Variants in RBM47 observed in about 807,000 individuals in gnomAD.
RBM47 encodes the protein RNA binding motif protein 47.
A neutral mutation model predicts 47.1 loss-of-function variants in RBM47; 21 were observed. That is an observed-to-expected ratio of 0.45 (90% CI 0.32 to 0.64). The LOEUF (loss-of-function observed/expected upper bound fraction) is 0.64, where lower values mean the gene tolerates loss of function less well. Among genes scored for constraint, RBM47 ranks in the 30% least tolerant of loss-of-function variants. RBM47 has a pLI of 0.05. For synonymous variants in RBM47, 375 were observed against 361.7 expected, an observed-to-expected ratio of 1.04 and a Z score of -0.42; for missense variants, 708 against 870.9, an observed-to-expected ratio of 0.81 and a Z score of 2.35.
At chr4:40,521,993 G>A (rs1228964870) in intron 2 of RBM47, among the ~76,000 whole-genome samples, 1 of 152,162 alleles carries the variant, frequency 6.6e-6, no homozygotes. Flanking sequence ...ATTAACAAAT[G>A]TGGATTTTTA....
chr4:40,433,178 C>A (rs1189248020), intron 5 of RBM47, among the ~76,000 whole-genome samples: 4 of 152,128 alleles, frequency 2.6e-5, no homozygotes, highest in African/African-American at 9.7e-5. Flanking sequence ...CCAGGCTGGT[C>A]TTGAACTCCT....
rs1034666711 is a variant in RBM47, at chr4:40,438,108, G to C, written c.786C>G (p.Ile262Met). The C allele has an allele frequency of 6.2e-7, 1 of 1,613,736 alleles. No homozygotes were observed. Among genetic ancestry groups the C allele is most frequent in the Non-Finnish European group, 8.5e-7 (1 of 1,180,026 alleles). Residue 262 changes from isoleucine to methionine, a missense_variant, in exon 4 of 7, where the codon ATC (isoleucine) becomes ATG (methionine). Coordinates refer to ENST00000295971, the MANE Select transcript of RBM47 (RefSeq NM_001098634.2). ...NLMIETTEDT[I>M]KKSFGQFNPG... is the part of the protein sequence containing the mutation. ...GGTTGAACTGGCCGAAGCTCTTCTTGATGGTGTCCTCGGTGGTCTCGATCA... is the reference window on the plus strand; with the variant it reads ...GGTTGAACTGGCCGAAGCTCTTCTTCATGGTGTCCTCGGTGGTCTCGATCA...
Position 40,438,093 on chromosome 4 carries a change from G to T in RBM47, c.801C>A (p.Gly267=), listed in dbSNP as rs143561092. 118 of 1,613,834 alleles carry T rather than the reference G, an allele frequency of 7.3e-5. No individual in the cohort carries two copies. In the African/African-American group the frequency reaches 1.5e-3, roughly 21 times the overall value. Residue 267 remains glycine (G), a synonymous_variant, in exon 4 of 7, where the codon GGC becomes GGA. Transcript: ENST00000295971. ...GCTCCACGCAGCCGGGGTTGAACTG[G>T]CCGAAGCTCTTCTTGATGGTGTCCT... ...TTEDTIKKSF[G]QFNPGCVERV... is the part of the protein sequence containing the mutation.
At position 40,565,782 on chromosome 4, in the gene RBM47, A is replaced by C. The variant is rs147139284; in HGVS notation, c.-239-21276T>G. On this transcript the variant is annotated intron_variant, in intron 1 of 6. Coordinates refer to ENST00000295971, the MANE Select transcript of RBM47 (RefSeq NM_001098634.2). ...AAAAAGAGAGGATAAATGATAAAGA[A>C]ACAAAATGGACTGGACCCAGCAGCT... Among the ~76,000 whole-genome samples the C allele has an allele frequency of 3.2e-3, 487 of 152,286 alleles. 5 individuals are homozygous for C. Among genetic ancestry groups the C allele is most frequent in the African/African-American group, 0.011 (465 of 41,572 alleles).
intron 2 of RBM47, among the ~76,000 whole-genome samples, chr4:40,488,996 G>C (rs191997227): frequency 5.9e-5 from 9 of 152,282 alleles, no homozygotes; most frequent in African/African-American, 2.2e-4. Flanking sequence ...CTCATATCCA[G>C]GTTCCCAAAC....
At chr4:40,538,102 G>C (rs1434235946) in intron 2 of RBM47, among the ~76,000 whole-genome samples, 1 of 152,056 alleles carries the variant, frequency 6.6e-6, no homozygotes, top group Non-Finnish European at 1.5e-5. Flanking sequence ...GGTTACTTTT[G>C]CATAAGTTTT....
At chr4:40,448,931 G>T (rs950362598) in intron 3 of RBM47, among the ~76,000 whole-genome samples, 6 of 152,076 alleles carry the variant, frequency 3.9e-5, no homozygotes, top group African/African-American at 1.4e-4. Context: ...GGAGGGGGTG[G>T]GGTAGGAAAT....
chr4:40,516,065 T>G (rs1291054060), intron 2 of RBM47: 2 of 151,422 alleles, frequency 1.3e-5, no homozygotes, highest in Non-Finnish European at 2.9e-5. Flanking sequence ...CAGCCCTGCC[T>G]GTCAGCTCCT....
chr4:40,439,271 C>G (rs1259927875), intron 3 of RBM47, among the ~76,000 whole-genome samples: 2 of 152,212 alleles, frequency 1.3e-5, no homozygotes, highest in African/African-American at 4.8e-5. Flanking sequence ...GCACCGTTAA[C>G]TCCACCTGAT....
Position 40,423,886 on chromosome 4 carries a change from G to A in RBM47, c.*2018C>T, listed in dbSNP as rs1466605984. ...CAGTCAGGGGATGAGGATCTGATCC[G>A]AATTACATTTTGTCGAGTCACTCAT... On this transcript the variant is annotated 3_prime_UTR_variant, in exon 7 of 7. Transcript: ENST00000295971. The A allele has an allele frequency of 2.6e-5, 4 of 152,402 alleles. No individual in the cohort carries two copies. The highest frequency in any genetic ancestry group is 2.1e-4 in the South Asian group (1 of 4,818). The allele number at this position is 152,402 out of a possible 1,614,324, so 9.4% of individuals were successfully genotyped here. A position where few individuals can be genotyped will look rare whatever the true frequency, so the allele number is the denominator to read the frequency against.
chr4:40,505,600 T>C (rs747226268), intron 2 of RBM47, among the ~76,000 whole-genome samples: 1 of 149,972 alleles, frequency 6.7e-6, no homozygotes, highest in African/African-American at 2.5e-5. Context: ...AAAACATATA[T>C]ATTTTGGCTG....
chr4:40,498,079 T>TATA (rs1351670558), intron 2 of RBM47, among the ~76,000 whole-genome samples: 2 of 144,972 alleles, frequency 1.4e-5, no homozygotes, highest in African/African-American at 5.0e-5. Context: ...TATATATATA[T>TATA]GTTTATCTAA....
chr4:40,462,959 G>T (rs1036347533), intron 3 of RBM47, among the ~76,000 whole-genome samples: 1 of 152,106 alleles, frequency 6.6e-6, no homozygotes, highest in Non-Finnish European at 1.5e-5. Context: ...AAACTTAATC[G>T]AAATTAATAA....
chr4:40,483,383 A>G (rs1051427967), intron 2 of RBM47, among the ~76,000 whole-genome samples: 1 of 152,202 alleles, frequency 6.6e-6, no homozygotes, highest in Non-Finnish European at 1.5e-5. Flanking sequence ...CAGAACAACA[A>G]GAAAGGGGCG....
At chr4:40,548,430 G>C (rs938445095) in intron 1 of RBM47, among the ~76,000 whole-genome samples, 34 of 152,182 alleles carry the variant, frequency 2.2e-4, no homozygotes, top group African/African-American at 7.5e-4. Flanking sequence ...ATTTTAATCA[G>C]GAAGGTGACA....
chr4:40,423,650 CTTTTTCTTTCTTTCTTTCTTTCTT>C lies in RBM47; in HGVS notation c.*2230_*2253del, dbSNP rs1232095233. 3.7e-5 allele frequency: 5 copies of C among 134,900 alleles called. No homozygotes were observed. Among genetic ancestry groups the C allele is most frequent in the Non-Finnish European group, 8.0e-5 (5 of 62,488 alleles). The allele number at this position is 134,900 out of a possible 1,614,324, so 8.4% of individuals were successfully genotyped here. A position where few individuals can be genotyped will look rare whatever the true frequency, so the allele number is the denominator to read the frequency against. Reference sequence around the variant, plus strand: ...TATCATTTTTTTTTATTCTTTCTTTCTTTTTCTTTCTTTCTTTCTTTCTTTCTTTCTTTCTTTCTTTCTTTCTTT... The same window carrying C: ...TATCATTTTTTTTTATTCTTTCTTTCTCTTTCTTTCTTTCTTTCTTTCTTT... On this transcript the variant is annotated 3_prime_UTR_variant, in exon 7 of 7. Coordinates refer to ENST00000295971, the MANE Select transcript of RBM47 (RefSeq NM_001098634.2).
chr4:40,485,876 A>T lies in RBM47; in HGVS notation c.-154-19177T>A, dbSNP rs116166599. On this transcript the variant is annotated intron_variant, in intron 2 of 6. Coordinates refer to ENST00000295971, the MANE Select transcript of RBM47 (RefSeq NM_001098634.2). ...GGAGTTTGAGACCAGCCTGGGCAAC[A>T]TGGCAAAAGGCCATCTGTGTAAAAA... 6.1e-3 allele frequency among the ~76,000 whole-genome samples: 919 copies of T among 151,190 alleles called. 16 individuals carry two copies. The highest frequency in any genetic ancestry group is 0.021 in the African/African-American group (870 of 41,196).
intron 1 of RBM47, among the ~76,000 whole-genome samples, chr4:40,562,658 G>T (rs1577965151): frequency 6.6e-6 from 1 of 152,054 alleles, no homozygotes; most frequent in Non-Finnish European, 1.5e-5. Flanking sequence ...TAGAGACGAG[G>T]TTTCACCATG....
intron 2 of RBM47, among the ~76,000 whole-genome samples, chr4:40,488,933 A>G (rs1282678682): frequency 6.6e-6 from 1 of 152,236 alleles, no homozygotes; most frequent in Non-Finnish European, 1.5e-5. Context: ...TGAGGCTTAC[A>G]AAGATTAAAT....
Sources: allele counts gnomAD v4.1 joint callset (sites outside exome capture counted in the v4.1 genomes callset), GRCh38; gene constraint gnomAD v4.1.1; transcripts MANE v1.5; gene names NCBI Gene and HGNC (gene_info 2026-07-23, HGNC 2026-07-21).